Variants in UBE2W observed in about 807,000 individuals in gnomAD.
The protein encoded by UBE2W is ubiquitin-conjugating enzyme E2 W.
In UBE2W, 18 loss-of-function variants were observed where a neutral mutation model predicts 27.2. That is an observed-to-expected ratio of 0.66 (90% confidence interval 0.46 to 0.98). The LOEUF (loss-of-function observed/expected upper bound fraction) is 0.98, where lower values mean the gene tolerates loss of function less well. Ranked by LOEUF, UBE2W falls within the 50% of genes least tolerant of loss-of-function variation. UBE2W has a pLI of 0.00. For synonymous variants in UBE2W, 53 were observed against 57.2 expected (o/e 0.93, Z 0.33); for missense variants, 90 against 180.2 (o/e 0.50, Z 2.87).
chr8:73,864,355 C>T (rs1293546240), intron 1 of UBE2W, among the ~76,000 whole-genome samples: 3 of 152,050 alleles, frequency 2.0e-5, no homozygotes, highest in Non-Finnish European at 2.9e-5. Flanking sequence ...GCCACTGCAC[C>T]GGGTGACAGA....
intron 1 of UBE2W, among the ~76,000 whole-genome samples, chr8:73,859,299 A>C (rs1811445343): frequency 1.3e-5 from 2 of 152,184 alleles, no homozygotes; most frequent in Admixed American, 6.5e-5. Flanking sequence ...TGAAGCCCGG[A>C]GTTTGAGACC....
At chr8:73,781,620 T>G (rs933144636), downstream of UBE2W, among the ~76,000 whole-genome samples, 22 of 12,270 alleles carry the variant, frequency 1.8e-3, no homozygotes, top group Admixed American at 0.032. Context: ...CAGGTTTGGG[T>G]TTTTTTTTTT....
At chr8:73,816,819 G>A (rs1809407438) in intron 3 of UBE2W, among the ~76,000 whole-genome samples, 1 of 152,162 alleles carries the variant, frequency 6.6e-6, no homozygotes, top group African/African-American at 2.4e-5. Flanking sequence ...GATCACTGGG[G>A]GGTTAGGAGT....
chr8:73,862,763 C>T (rs199973369), intron 1 of UBE2W, among the ~76,000 whole-genome samples: 9,071 of 116,628 alleles, frequency 0.078, 549 homozygotes, highest in East Asian at 0.32. Context: ...AAAAAGTGGG[C>T]GAAGGACATG....
chr8:73,864,554 G>T (rs1238085818), intron 1 of UBE2W, among the ~76,000 whole-genome samples: 2 of 152,032 alleles, frequency 1.3e-5, no homozygotes, highest in Non-Finnish European at 2.9e-5. Context: ...CCAATCAAAA[G>T]TAACTTGTTT....
chr8:73,790,653 C>T lies in UBE2W; in HGVS notation c.*3449G>A, dbSNP rs1390698999. 5 of 983,818 alleles carry T rather than the reference C, an allele frequency of 5.1e-6. No individual in the cohort carries two copies. Among genetic ancestry groups the T allele is most frequent in the Non-Finnish European group, 6.0e-6 (5 of 828,594 alleles). 60.9% of individuals were successfully genotyped at this position (983,818 alleles called of 1,614,324 possible). A position where few individuals can be genotyped will look rare whatever the true frequency, so the allele number is the denominator to read the frequency against. ...TTTATTTAAAAAAATTTTTGTAACA[C>T]ACAGTACCTCCTCTTCTCTTCTATT... is the stretch of plus-strand genomic sequence containing the variant. On this transcript the variant is annotated 3_prime_UTR_variant, in exon 6 of 6. Coordinates refer to ENST00000602593, the MANE Select transcript of UBE2W (RefSeq NM_018299.6).
At chr8:73,865,254 C>T (rs965610130) in intron 1 of UBE2W, among the ~76,000 whole-genome samples, 1 of 143,162 alleles carries the variant, frequency 7.0e-6, no homozygotes, top group Admixed American at 7.1e-5. Flanking sequence ...GTTACGAAGA[C>T]GTGAATTCAC....
intron 1 of UBE2W, among the ~76,000 whole-genome samples, chr8:73,874,032 G>A (rs944369298): frequency 5.3e-5 from 8 of 152,144 alleles, no homozygotes; most frequent in Non-Finnish European, 7.4e-5. Flanking sequence ...GCTAACTTAC[G>A]AGAAGTCTGA....
rs868084091 is a variant in UBE2W, at chr8:73,863,344, C to T, written c.15+15464G>A. 8.8e-3 allele frequency among the ~76,000 whole-genome samples: 1,264 copies of T among 143,828 alleles called. 22 individuals carry two copies. Among genetic ancestry groups the T allele is most frequent in the African/African-American group, 0.032 (1,195 of 37,652 alleles). The allele number at this position is 143,828 out of a possible 152,430, so 94.4% of individuals were successfully genotyped here. ...ATCGCAAGAACAAAAAACCAAACACCGCATATTCTCACTCATAGGTGGGAA... is the reference window on the plus strand; with the variant it reads ...ATCGCAAGAACAAAAAACCAAACACTGCATATTCTCACTCATAGGTGGGAA... On this transcript the variant is annotated intron_variant, in intron 1 of 5. Coordinates refer to ENST00000602593, the MANE Select transcript of UBE2W (RefSeq NM_018299.6).
chr8:73,832,373 G>A (rs917901195), intron 1 of UBE2W, among the ~76,000 whole-genome samples: 2 of 152,068 alleles, frequency 1.3e-5, no homozygotes, highest in African/African-American at 2.4e-5. Flanking sequence ...TAATTGCCTT[G>A]TTATGTACAA....
downstream of UBE2W, among the ~76,000 whole-genome samples, chr8:73,784,821 G>A (rs16938724): frequency 0.034 from 5,166 of 152,058 alleles, 257 homozygotes; most frequent in African/African-American, 0.11. Context: ...GCATATCCTG[G>A]GCAACTATCC....
chr8:73,836,875 C>G (rs1233965780), intron 1 of UBE2W, among the ~76,000 whole-genome samples: 1 of 152,142 alleles, frequency 6.6e-6, no homozygotes, highest in African/African-American at 2.4e-5. Context: ...ATTGAGATAA[C>G]TACAAAATGG....
At chr8:73,872,555 A>G (rs747858902) in intron 1 of UBE2W, among the ~76,000 whole-genome samples, 14 of 152,238 alleles carry the variant, frequency 9.2e-5, no homozygotes, top group Non-Finnish European at 1.8e-4. Context: ...GCTGGTAAGT[A>G]TGTACTTATT....
At chr8:73,829,304 T>C (rs572951860) in intron 2 of UBE2W, among the ~76,000 whole-genome samples, 10 of 152,074 alleles carry the variant, frequency 6.6e-5, no homozygotes, top group South Asian at 6.2e-4. Flanking sequence ...TTGAGAACTA[T>C]AGGGACAGCT....
At chr8:73,803,769 CTT>C (rs534146460) in intron 5 of UBE2W, among the ~76,000 whole-genome samples, 6,596 of 128,234 alleles carry the variant, frequency 0.051, 435 homozygotes, top group African/African-American at 0.21. Context: ...TTTTTCTTTT[CTT>C]TTTTTTTTTT....
intron 1 of UBE2W, among the ~76,000 whole-genome samples, chr8:73,869,446 T>G (rs1811907843): frequency 1.3e-5 from 2 of 152,036 alleles, no homozygotes; most frequent in Non-Finnish European, 2.9e-5. Flanking sequence ...ATCCCAGCAC[T>G]TTAAGAGGCC....
chr8:73,831,216 G>T, intron 1 of UBE2W: 1 of 406,694 alleles, frequency 2.5e-6, no homozygotes, highest in Non-Finnish European at 4.5e-6. Context: ...TCTGCTGGAA[G>T]ACCTAGAAGG....
intron 1 of UBE2W, among the ~76,000 whole-genome samples, chr8:73,872,958 G>C (rs1256966245): frequency 6.8e-6 from 1 of 147,082 alleles, no homozygotes; most frequent in Non-Finnish European, 1.5e-5. Flanking sequence ...CTGGAGTCCA[G>C]TGGCATGATC....
intron 1 of UBE2W, among the ~76,000 whole-genome samples, chr8:73,866,713 T>C (rs1401482859): frequency 5.3e-5 from 8 of 152,130 alleles, no homozygotes; most frequent in Non-Finnish European, 1.0e-4. Flanking sequence ...TTAATTTTTG[T>C]GCTTCAAATG....
Sources: allele counts gnomAD v4.1 joint callset (sites outside exome capture counted in the v4.1 genomes callset), GRCh38; gene constraint gnomAD v4.1.1; transcripts MANE v1.5; gene names NCBI Gene and HGNC (gene_info 2026-07-23, HGNC 2026-07-21).